The following TNIP3 variants were observed in gnomAD, a reference collection of about 807,000 sequenced individuals.
TNIP3 encodes the protein TNFAIP3-interacting protein 3.
TNIP3 carries 34 observed loss-of-function variants against 54.1 expected under a neutral mutation model. The ratio of observed to expected loss-of-function variants is 0.63; its 90% CI spans 0.48 to 0.84. The LOEUF (loss-of-function observed/expected upper bound fraction) is 0.84, where lower values mean the gene tolerates loss of function less well. Ranked by LOEUF, TNIP3 falls within the 40% of genes least tolerant of loss-of-function variation. The pLI is 0.00. For missense variants in TNIP3, 366 were observed against 387.6 expected (o/e 0.94, Z 0.47); for synonymous variants, 134 against 136.8 (o/e 0.98, Z 0.14).
chr4:121,179,755 A>T (rs1329625512), intron 3 of TNIP3, among the ~76,000 whole-genome samples: 8 of 148,732 alleles, frequency 5.4e-5, no homozygotes, highest in Non-Finnish European at 7.4e-5. Flanking sequence ...GATTCCCCCA[A>T]GTTTGGATGA....
At chr4:121,156,079 G>A (rs1484607275) in intron 4 of TNIP3, among the ~76,000 whole-genome samples, 1 of 152,170 alleles carries the variant, frequency 6.6e-6, no homozygotes, top group Admixed American at 6.5e-5. Flanking sequence ...ACTGCTACAT[G>A]GCAGAAAGGG....
At chr4:121,150,324 C>T in intron 5 of TNIP3, 105 bp from the exon 6 acceptor site, 1 of 630,578 alleles carries the variant, frequency 1.6e-6, no homozygotes, top group Non-Finnish European at 2.8e-6. Context: ...ATATGCATTT[C>T]ATGTTTAACG....
chr4:121,200,766 G>A (rs971340626), intron 2 of TNIP3, among the ~76,000 whole-genome samples: 16 of 152,114 alleles, frequency 1.1e-4, no homozygotes, highest in African/African-American at 3.6e-4. Context: ...TTTCCTCAGA[G>A]AGCTTTTTGT....
At chr4:121,181,139 A>G (rs1178514032) in intron 3 of TNIP3, among the ~76,000 whole-genome samples, 1 of 152,182 alleles carries the variant, frequency 6.6e-6, no homozygotes, top group African/African-American at 2.4e-5. Context: ...AGAGGTTTTT[A>G]CCATGTAAAG....
At chr4:121,157,856 T>C (rs1228994245) in intron 3 of TNIP3, among the ~76,000 whole-genome samples, 1 of 152,180 alleles carries the variant, frequency 6.6e-6, no homozygotes, top group African/African-American at 2.4e-5. Flanking sequence ...AGCTTAAGCA[T>C]TCTCTCTGGG....
chr4:121,137,894 T>G (rs1442221126), intron 10 of TNIP3: 1 of 453,818 alleles, frequency 2.2e-6, no homozygotes. Flanking sequence ...CATTTCTAAC[T>G]TTTGATTATG....
In TNIP3 at chr4:121,170,754, A is replaced by G. The variant is rs144111626; in HGVS notation, c.190-6608T>C. ...TAATATATTGAAGTATTAACTGATG[A>G]TCCCCCAAAACACACACTATTCTTT... On this transcript the variant is annotated intron_variant, in intron 3 of 12. Coordinates refer to the TNIP3 transcript ENST00000507879. 5.5e-3 allele frequency among the ~76,000 whole-genome samples: 831 copies of G among 152,276 alleles called. 11 individuals are homozygous for G. Among genetic ancestry groups the G allele is most frequent in the Admixed American group, 0.035 (530 of 15,294 alleles).
chr4:121,199,898 C>T (rs1427207142), intron 2 of TNIP3, among the ~76,000 whole-genome samples: 1 of 152,176 alleles, frequency 6.6e-6, no homozygotes, highest in Non-Finnish European at 1.5e-5. Context: ...TGGGATACAG[C>T]CCATTCTCTA....
At position 121,157,079 on chromosome 4, in the gene TNIP3, C is replaced by G. The variant is rs201236693; in HGVS notation, c.363+15G>C. 5 of 1,613,580 alleles carry G rather than the reference C, an allele frequency of 3.1e-6. No individual in the cohort carries two copies. The Admixed American group carries it at 6.7e-5, about 22-fold the overall frequency. Reference sequence around the variant, plus strand: ...ATTTGGATCCTCCGGGCTCGAGGACCCGGGCCCCGCCCACCTCCTCCCGCT... The same window carrying G: ...ATTTGGATCCTCCGGGCTCGAGGACGCGGGCCCCGCCCACCTCCTCCCGCT... On this transcript the variant is annotated intron_variant, in intron 4 of 10. Coordinates refer to ENST00000057513, the MANE Select transcript of TNIP3 (RefSeq NM_024873.6).
At chr4:121,221,214 A>T (rs566544157), upstream of TNIP3, among the ~76,000 whole-genome samples, 1 of 152,302 alleles carries the variant, frequency 6.6e-6, no homozygotes, top group South Asian at 2.1e-4. Flanking sequence ...AACCTTGGTT[A>T]TGTTTTTCTA....
intron 2 of TNIP3, among the ~76,000 whole-genome samples, chr4:121,195,235 C>T (rs1725513843): frequency 6.6e-6 from 1 of 152,078 alleles, no homozygotes; most frequent in Non-Finnish European, 1.5e-5. Flanking sequence ...GAGTAACCCC[C>T]ATACACCTTC....
At chr4:121,226,475 T>A (rs892320207) in intron 1 of TNIP3, among the ~76,000 whole-genome samples, 15 of 152,222 alleles carry the variant, frequency 9.9e-5, no homozygotes, top group East Asian at 5.8e-4. Context: ...GATTCAGGCC[T>A]TCCACTGTGG....
chr4:121,150,259 C>CTTATTGAAATGAATGAGACTCTT, intron 5 of TNIP3, 40 bp from the exon 6 acceptor site: 1 of 1,248,588 alleles, frequency 8.0e-7, no homozygotes, highest in Non-Finnish European at 1.2e-6. Flanking sequence ...CTAAGATTTA[C>CTTATTGAAATGAATGAGACTCTT]CACATGGAAT....
chr4:121,216,574 G>A, intron 1 of TNIP3: 8 of 1,515,180 alleles, frequency 5.3e-6, no homozygotes, highest in Non-Finnish European at 7.0e-6. Context: ...AGTCACCAAA[G>A]GAGAAAACCA....
intron 2 of TNIP3, among the ~76,000 whole-genome samples, chr4:121,215,447 G>A (rs1173552343): frequency 6.6e-6 from 1 of 152,150 alleles, no homozygotes; most frequent in Non-Finnish European, 1.5e-5. Context: ...TCTCACTCAA[G>A]AGAGAGTATC....
At chr4:121,184,307 G>T (rs1724885837) in intron 2 of TNIP3, among the ~76,000 whole-genome samples, 1 of 152,204 alleles carries the variant, frequency 6.6e-6, no homozygotes, top group South Asian at 2.1e-4. Context: ...TATGGCAGAG[G>T]TTGCTAGGGT....
At chr4:121,203,882 TA>T (rs1422410409) in intron 2 of TNIP3, among the ~76,000 whole-genome samples, 1 of 150,088 alleles carries the variant, frequency 6.7e-6, no homozygotes, top group Non-Finnish European at 1.5e-5. Flanking sequence ...CAAATATAAG[TA>T]GAGTATATAT....
At position 121,140,151 on chromosome 4, in the gene TNIP3, T is replaced by C. The variant is rs192896160; in HGVS notation, c.886-1467A>G. Among the ~76,000 whole-genome samples, 18 of 152,140 alleles carry C rather than the reference T, an allele frequency of 1.2e-4. No homozygotes were observed. The East Asian group carries it at 3.3e-3, about 28-fold the overall frequency. On this transcript the variant is annotated intron_variant, in intron 9 of 10. Transcript: ENST00000057513. ...GAGTTTGAGACCAGCCTGGGCAATA[T>C]GGTGAAACCCCATCTCCGCTAAAAT...
rs574269678 is a variant in TNIP3 at position 121,162,007 on chromosome 4, A to G, written c.67-791T>C. On this transcript the variant is annotated intron_variant, in intron 1 of 10. Coordinates refer to ENST00000057513, the MANE Select transcript of TNIP3 (RefSeq NM_024873.6). ...TATTACTATCTCATCTCAGAGTCATATAAGTAATACAATTTATTGGATGAT... is the reference window on the plus strand; with the variant it reads ...TATTACTATCTCATCTCAGAGTCATGTAAGTAATACAATTTATTGGATGAT... Among the ~76,000 whole-genome samples the G allele has an allele frequency of 8.5e-5, 13 of 152,344 alleles. No homozygotes were observed. The South Asian group carries it at 2.7e-3, about 32-fold the overall frequency.
Sources: allele counts gnomAD v4.1 joint callset (sites outside exome capture counted in the v4.1 genomes callset), GRCh38; gene constraint gnomAD v4.1.1; transcripts MANE v1.5; gene names NCBI Gene and HGNC (gene_info 2026-07-23, HGNC 2026-07-21).